Variants in CNTNAP2 observed in about 807,000 individuals in gnomAD.
CNTNAP2 encodes the protein contactin-associated protein-like 2.
A neutral mutation model predicts 155.2 loss-of-function variants in CNTNAP2; 98 were observed. That is an observed-to-expected ratio of 0.63 (90% CI 0.54 to 0.75). CNTNAP2 has a LOEUF of 0.75. Among genes scored for constraint, CNTNAP2 ranks in the 30% least tolerant of loss-of-function variants. CNTNAP2 has a pLI of 0.00. For missense variants in CNTNAP2, 1,727 were observed against 1,688.1 expected (o/e 1.02, Z -0.40); for synonymous variants, 651 against 631.2 (o/e 1.03, Z -0.47).
At chr7:146,872,122 G>A (rs1457103962) in intron 3 of CNTNAP2, among the ~76,000 whole-genome samples, 1 of 148,772 alleles carries the variant, frequency 6.7e-6, no homozygotes, top group Non-Finnish European at 1.5e-5. Flanking sequence ...AATTACATTG[G>A]TACTTATCTC....
At chr7:148,321,332 G>C (rs1419282459) in intron 21 of CNTNAP2, among the ~76,000 whole-genome samples, 5 of 152,188 alleles carry the variant, frequency 3.3e-5, no homozygotes, top group Non-Finnish European at 7.3e-5. Flanking sequence ...CAAAGCAGCA[G>C]GGAAAGGGTT....
At chr7:147,950,362 GGCAAAAAAA>G in intron 14 of CNTNAP2, among the ~76,000 whole-genome samples, 1 of 29,834 alleles carries the variant, frequency 3.4e-5, no homozygotes, top group African/African-American at 1.7e-4. Context: ...CACATAGAGA[GGCAAAAAAA>G]AAAAAAAAAA....
chr7:147,322,966 T>C (rs1433108704), intron 9 of CNTNAP2, among the ~76,000 whole-genome samples: 1 of 69,014 alleles, frequency 1.4e-5, no homozygotes, highest in African/African-American at 7.4e-5. Context: ...TCTTCTCTCT[T>C]TTTTTCTTTA....
chr7:147,347,318 C>T (rs976935896), intron 9 of CNTNAP2, among the ~76,000 whole-genome samples: 2 of 151,460 alleles, frequency 1.3e-5, no homozygotes, highest in African/African-American at 4.9e-5. Context: ...ACAAAACACA[C>T]TGAAGATAAT....
rs774959659 is a variant in CNTNAP2, at chr7:147,542,313, A to AG, written c.1778-19824dup. Among the ~76,000 whole-genome samples, 245 of 150,542 alleles carry AG rather than the reference A, an allele frequency of 1.6e-3. 1 individual carries two copies. The highest frequency in any genetic ancestry group is 3.4e-3 in the Middle Eastern group (1 of 292). On this transcript the variant is annotated intron_variant, in intron 11 of 23. Coordinates refer to ENST00000361727, the MANE Select transcript of CNTNAP2 (RefSeq NM_014141.6). ...GATTGTTCAGTGGTAAAAAAAAAAAAGCTCCAAAAAAAAAGCAAATAAGAA... is the reference window on the plus strand; with the variant it reads ...GATTGTTCAGTGGTAAAAAAAAAAAAGGCTCCAAAAAAAAAGCAAATAAGAA...
In CNTNAP2 at chr7:146,939,778, G is replaced by T. The variant is rs117656672; in HGVS notation, c.402+99874G>T. ...TTTGAGCAAAGACTTAGTGGTTTTA[G>T]CACCTACAAAAAAACTAAAGGAATA... is the stretch of plus-strand genomic sequence containing the variant. On this transcript the variant is annotated intron_variant, in intron 3 of 23. Coordinates refer to ENST00000361727, the MANE Select transcript of CNTNAP2 (RefSeq NM_014141.6). 3.2e-3 allele frequency among the ~76,000 whole-genome samples: 493 copies of T among 152,180 alleles called. 2 individuals are homozygous for T. Among genetic ancestry groups the T allele is most frequent in the Non-Finnish European group, 5.9e-3 (403 of 68,012 alleles).
In CNTNAP2 at chr7:148,229,702, G is replaced by GT; in HGVS notation, c.3305dup (p.Asp1103ArgfsTer62). 6.2e-7 allele frequency: 1 copy of GT among 1,614,054 alleles called. No homozygotes were observed. On this transcript the variant is annotated frameshift_variant, in exon 20 of 24. Coordinates refer to ENST00000361727, the MANE Select transcript of CNTNAP2 (RefSeq NM_014141.6). LOFTEE classifies it high-confidence loss of function. The stretch of plus-strand genomic sequence containing the variant: ...CACCCGAGAGCCATACAATATTGAC[G>GT]TAGACCACAGGAACATGGCCAATGG...
chr7:148,385,873 G>A (rs372976525), intron 22 of CNTNAP2, among the ~76,000 whole-genome samples: 119 of 151,474 alleles, frequency 7.9e-4, no homozygotes, highest in African/African-American at 2.8e-3. Flanking sequence ...GAGTAGCTGG[G>A]ATTACAGGCA....
chr7:147,100,286 C>A (rs1443858820), intron 4 of CNTNAP2, among the ~76,000 whole-genome samples: 1 of 152,042 alleles, frequency 6.6e-6, no homozygotes, highest in East Asian at 1.9e-4. Context: ...TTTTGTGATT[C>A]ATTGGGCCAA....
intron 18 of CNTNAP2, among the ~76,000 whole-genome samples, chr7:148,185,218 A>G (rs1795097935): frequency 6.6e-6 from 1 of 152,220 alleles, no homozygotes; most frequent in Non-Finnish European, 1.5e-5. Context: ...AGTTCATGAC[A>G]GGCAGTACTG....
At chr7:147,132,020 G>A (rs552155992) in intron 7 of CNTNAP2, among the ~76,000 whole-genome samples, 4 of 152,068 alleles carry the variant, frequency 2.6e-5, no homozygotes, top group Non-Finnish European at 4.4e-5. Flanking sequence ...GAAGCTGCTT[G>A]TTATAGTTAG....
intron 11 of CNTNAP2, among the ~76,000 whole-genome samples, chr7:147,516,048 G>C (rs1799120694): frequency 6.6e-6 from 1 of 152,152 alleles, no homozygotes; most frequent in Non-Finnish European, 1.5e-5. Context: ...ATTTAAGTCT[G>C]ACTCTATTGC....
intron 9 of CNTNAP2, among the ~76,000 whole-genome samples, chr7:147,349,819 C>T (rs966604551): frequency 6.6e-6 from 1 of 151,876 alleles, no homozygotes; most frequent in Non-Finnish European, 1.5e-5. Context: ...ACAAAATAAA[C>T]ATCACTGAAG....
intron 3 of CNTNAP2, among the ~76,000 whole-genome samples, chr7:146,905,103 C>T (rs1165915247): frequency 6.6e-6 from 1 of 152,098 alleles, no homozygotes; most frequent in Non-Finnish European, 1.5e-5. Flanking sequence ...ATAGGCCTAA[C>T]AGGTGCCAGA....
At position 147,108,128 on chromosome 7, in the gene CNTNAP2, A is replaced by ATTTTTTTTTTTTTTTTT; in HGVS notation, c.551-8_551-7insTTTTTTTTTTTTTTTTT. ...ACATACATGGCTGAACTAATATGTT[A>ATTTTTTTTTTTTTTTTT]TTTTTTTTTTTGTTTTAGGGGCTGA... On this transcript the variant is annotated intron_variant, in intron 4 of 23. Coordinates refer to ENST00000361727, the MANE Select transcript of CNTNAP2 (RefSeq NM_014141.6). 3 of 1,313,496 alleles carry ATTTTTTTTTTTTTTTTT rather than the reference A, an allele frequency of 2.3e-6. No homozygotes were observed. The highest frequency in any genetic ancestry group is 2.6e-5 in the South Asian group (2 of 76,098). The allele number at this position is 1,313,496 out of a possible 1,614,324, so 81.4% of individuals were successfully genotyped here.
At chr7:147,788,747 C>G (rs112777884) in intron 13 of CNTNAP2, among the ~76,000 whole-genome samples, 43 of 152,114 alleles carry the variant, frequency 2.8e-4, no homozygotes, top group African/African-American at 1.0e-3. Context: ...CCTCCAACCC[C>G]CCTCATCATC....
rs148620812 is a variant in CNTNAP2 at position 147,226,388 on chromosome 7, T to C, written c.1349-73753T>C. Among the ~76,000 whole-genome samples, 234 of 152,242 alleles carry C rather than the reference T, an allele frequency of 1.5e-3. 1 individual carries two copies. Among genetic ancestry groups the C allele is most frequent in the African/African-American group, 5.5e-3 (230 of 41,556 alleles). Reference sequence around the variant, plus strand: ...AAAGTGAATAAGTTATTAGAGAACATGGTCTAAAAACAATCATTTATATTA... The same window carrying C: ...AAAGTGAATAAGTTATTAGAGAACACGGTCTAAAAACAATCATTTATATTA... On this transcript the variant is annotated intron_variant, in intron 8 of 23. Transcript: ENST00000361727.
At chr7:147,380,091 G>C (rs898596852) in intron 9 of CNTNAP2, among the ~76,000 whole-genome samples, 9 of 151,886 alleles carry the variant, frequency 5.9e-5, no homozygotes, top group Non-Finnish European at 1.2e-4. Flanking sequence ...TATTGTTTCT[G>C]TTTCCTATTA....
intron 15 of CNTNAP2, among the ~76,000 whole-genome samples, chr7:147,979,574 T>G (rs1490001008): frequency 6.6e-6 from 1 of 152,202 alleles, no homozygotes; most frequent in Non-Finnish European, 1.5e-5. Flanking sequence ...CTTAATATAT[T>G]TATAAAAATT....
Sources: allele counts gnomAD v4.1 joint callset (sites outside exome capture counted in the v4.1 genomes callset), GRCh38; gene constraint gnomAD v4.1.1; transcripts MANE v1.5; gene names NCBI Gene and HGNC (gene_info 2026-07-23, HGNC 2026-07-21).